Variants in RANBP3L observed in about 807,000 individuals in gnomAD.
The protein encoded by RANBP3L is RAN binding protein 3 like, also known as ran-binding protein 3-like.
A neutral mutation model predicts 67.2 loss-of-function variants in RANBP3L; 56 were observed. The observed-to-expected ratio is 0.83, with a 90% CI of 0.67 to 1.04. RANBP3L has a LOEUF of 1.04. RANBP3L is among the 50% of genes least tolerant of loss of function. The pLI is 0.00. For synonymous variants in RANBP3L, 164 were observed against 181.4 expected (o/e 0.90, Z 0.77); for missense variants, 496 against 535.5 (o/e 0.93, Z 0.73).
chr5:36,269,706 T>C (rs931282158), intron 3 of RANBP3L, among the ~76,000 whole-genome samples: 3 of 152,142 alleles, frequency 2.0e-5, no homozygotes, highest in African/African-American at 7.2e-5. Flanking sequence ...CATTCTGAGG[T>C]CTACAGAGAA....
At chr5:36,298,960 G>T (rs1160530594) in intron 1 of RANBP3L, among the ~76,000 whole-genome samples, 2 of 152,132 alleles carry the variant, frequency 1.3e-5, no homozygotes, top group Non-Finnish European at 2.9e-5. Flanking sequence ...TATTGATCCT[G>T]GGTGTGTCTG....
rs1417041486 is a variant in RANBP3L, at chr5:36,253,770, A to G, written c.1044T>C (p.Ser348=). Residue 348 remains serine (S), a synonymous_variant, in exon 12 of 14, where the codon AGT becomes AGC. Transcript: ENST00000296604. The part of the protein sequence containing the change: ...QSRLIMRNQG[S]LRLILNSKLW... ...GTTTGCTGTTGAGGATCAGCCTTAG[A>G]CTGCCTTGATTGCGCATAACTAAAA... The G allele has an allele frequency of 6.2e-7, 1 of 1,613,048 alleles. No individual in the cohort carries two copies. The highest frequency in any genetic ancestry group is 2.2e-5 in the East Asian group (1 of 44,832).
chr5:36,266,449 T>C (rs1433172601), intron 4 of RANBP3L, among the ~76,000 whole-genome samples: 1 of 152,204 alleles, frequency 6.6e-6, no homozygotes, highest in Non-Finnish European at 1.5e-5. Context: ...AAGTATTCTT[T>C]AAGGTGTTAT....
In RANBP3L at chr5:36,265,532, A is replaced by C; in HGVS notation, c.269-12T>G. The C allele has an allele frequency of 6.5e-7, 1 of 1,536,980 alleles. No homozygotes were observed. The highest frequency in any genetic ancestry group is 9.0e-7 in the Non-Finnish European group (1 of 1,115,384). ...ATTGTTTTTCCTCACTGTAAGAAAAAATATTTAAATTTTTTTAAATACAGA... is the reference window on the plus strand; with the variant it reads ...ATTGTTTTTCCTCACTGTAAGAAAACATATTTAAATTTTTTTAAATACAGA... On this transcript the variant is annotated splice_polypyrimidine_tract_variant and intron_variant, in intron 4 of 13. Coordinates refer to ENST00000296604, the MANE Select transcript of RANBP3L (RefSeq NM_145000.5).
intron 13 of RANBP3L, 104 bp from the exon 14 acceptor site, chr5:36,249,801 G>A (rs996793446): frequency 2.3e-5 from 11 of 471,994 alleles, no homozygotes; most frequent in African/African-American, 2.2e-4. Context: ...ATACTCATTG[G>A]TGATGAAATA....
chr5:36,289,154 A>T (rs1273212817), intron 1 of RANBP3L, among the ~76,000 whole-genome samples: 2 of 152,038 alleles, frequency 1.3e-5, no homozygotes, highest in African/African-American at 4.8e-5. Flanking sequence ...TTGTTCCAGG[A>T]TTCTTACAGA....
rs1752494632 is a variant in RANBP3L at position 36,299,841 on chromosome 5, T to C, written c.91+1485A>G. Among the ~76,000 whole-genome samples, 4 of 152,202 alleles carry C rather than the reference T, an allele frequency of 2.6e-5. No individual in the cohort carries two copies. The South Asian group carries it at 8.3e-4, about 31-fold the overall frequency. On this transcript the variant is annotated intron_variant, in intron 1 of 13. Transcript: ENST00000296604. Reference sequence around the variant, plus strand: ...ATGACCTGGAAATTTGTTCATCCTCTGTCATTAAATTAAAAAGCAGTTTAC... The same window carrying C: ...ATGACCTGGAAATTTGTTCATCCTCCGTCATTAAATTAAAAAGCAGTTTAC...
At chr5:36,259,315 T>G (rs11747169) in intron 8 of RANBP3L, among the ~76,000 whole-genome samples, 130,548 of 152,146 alleles carry the variant, frequency 0.86, 57,672 homozygotes, top group Non-Finnish European at 0.97. Flanking sequence ...GGGCGCAGTG[T>G]CTCATGCCTA....
chr5:36,255,497 C>T lies in RANBP3L; in HGVS notation c.997G>A (p.Asp333Asn). The T allele has an allele frequency of 6.2e-7, 1 of 1,611,500 alleles. No individual in the cohort carries two copies. The highest frequency in any genetic ancestry group is 1.1e-5 in the South Asian group (1 of 90,872). Residue 333 changes from aspartate to asparagine, a missense_variant, in exon 11 of 14, where the codon GAC becomes AAC. Physicochemically the swap from Asp to Asn is conservative, Grantham distance 23. Transcript: ENST00000296604. ...AGTCTTGACTGTAATGTTCCACAGT[C>T]AGTGCTTGCTGTGTCATTCAGTCTC... ...TLRLNDTAST[D>N]CGTLQSRLIM... is the part of the protein sequence containing the mutation.
chr5:36,268,999 C>T (rs973872767), intron 4 of RANBP3L, among the ~76,000 whole-genome samples: 3 of 152,080 alleles, frequency 2.0e-5, no homozygotes, highest in Admixed American at 1.3e-4. Flanking sequence ...TATGAGCCAC[C>T]GCGCCCAGCC....
At position 36,257,518 on chromosome 5, in the gene RANBP3L, A is replaced by G; in HGVS notation, c.708T>C (p.Asp236=). 6.3e-7 allele frequency: 1 copy of G among 1,596,640 alleles called. No individual in the cohort carries two copies. Among genetic ancestry groups the G allele is most frequent in the Non-Finnish European group, 8.6e-7 (1 of 1,168,780 alleles). Reference sequence around the variant, plus strand: ...TGAATGGTTTTTCCTTGGCATATGAATCATTTTCAAGTTGAGGCTGGGTGA... The same window carrying G: ...TGAATGGTTTTTCCTTGGCATATGAGTCATTTTCAAGTTGAGGCTGGGTGA... The part of the protein sequence containing the change: ...QKLTQPQLEN[D]SYAKEKPFKS... The change falls in exon 9 of 14, where the codon GAT becomes GAC. Residue 236 remains aspartate (D), a synonymous_variant. Coordinates refer to ENST00000296604, the MANE Select transcript of RANBP3L (RefSeq NM_145000.5).
intron 1 of RANBP3L, among the ~76,000 whole-genome samples, chr5:36,300,233 G>A (rs1021606025): frequency 6.6e-6 from 1 of 152,102 alleles, no homozygotes. Context: ...AGGGTACTTG[G>A]TTCAAAATTT....
intron 1 of RANBP3L, among the ~76,000 whole-genome samples, chr5:36,279,139 C>T (rs1750801870): frequency 6.6e-6 from 1 of 152,040 alleles, no homozygotes; most frequent in Admixed American, 6.6e-5. Context: ...AGAGGAGATA[C>T]AGAAAGTCAG....
At chr5:36,295,460 T>C (rs765763675) in intron 1 of RANBP3L, among the ~76,000 whole-genome samples, 1 of 152,086 alleles carries the variant, frequency 6.6e-6, no homozygotes, top group Non-Finnish European at 1.5e-5. Context: ...TGATCATAAG[T>C]TTCCTAAGGC....
rs377613163 is a variant in RANBP3L, at chr5:36,301,439, C to T, written c.-23G>A. 2.4e-5 allele frequency: 39 copies of T among 1,595,592 alleles called. No homozygotes were observed. The highest frequency in any genetic ancestry group is 3.3e-5 in the Non-Finnish European group (39 of 1,165,244). ...CATGGTCCTAGCAGTATGGCTGTGA[C>T]TCAAGGATCACTAGGGCACCTCCTT... On this transcript the variant is annotated 5_prime_UTR_variant, in exon 1 of 14. Transcript: ENST00000296604.
At chr5:36,298,567 G>A (rs569919573) in intron 1 of RANBP3L, among the ~76,000 whole-genome samples, 10 of 152,254 alleles carry the variant, frequency 6.6e-5, no homozygotes, top group Admixed American at 5.2e-4. Context: ...GGAGGAAAAA[G>A]CAGGGCCACT....
At chr5:36,263,531 A>G (rs1749543844) in intron 6 of RANBP3L, among the ~76,000 whole-genome samples, 1 of 151,508 alleles carries the variant, frequency 6.6e-6, no homozygotes, top group African/African-American at 2.4e-5. Flanking sequence ...TTTCTATTAC[A>G]TAATTTAAAA....
At position 36,277,357 on chromosome 5, in the gene RANBP3L, G is replaced by C. The variant is rs77901634; in HGVS notation, c.92-6046C>G. On this transcript the variant is annotated intron_variant, in intron 1 of 13. Coordinates refer to ENST00000296604, the MANE Select transcript of RANBP3L (RefSeq NM_145000.5). ...AGAGCTTGGAAGTTAGATGGTCCTA[G>C]AGCTGTATTTTAAATAAAGGACTCG... 5.9e-3 allele frequency among the ~76,000 whole-genome samples: 894 copies of C among 150,326 alleles called. 10 individuals are homozygous for C. Among genetic ancestry groups the C allele is most frequent in the African/African-American group, 0.021 (863 of 40,734 alleles).
Position 36,247,892 on chromosome 5 carries a change from A to T in RANBP3L, c.*1762T>A. Among the ~76,000 whole-genome samples the T allele has an allele frequency of 6.6e-6, 1 of 152,356 alleles. No homozygotes were observed. Among genetic ancestry groups the T allele is most frequent in the South Asian group, 2.1e-4 (1 of 4,828 alleles). On this transcript the variant is annotated 3_prime_UTR_variant, in exon 14 of 14. Coordinates refer to ENST00000296604, the MANE Select transcript of RANBP3L (RefSeq NM_145000.5). The stretch of plus-strand genomic sequence containing the variant: ...GACAGAGCGAGACTCTGTCTAAAAA[A>T]CAAACAAAATAAATAAATGAAGTTA...
Sources: gnomAD v4.1 joint callset for allele counts (sites outside exome capture counted in the v4.1 genomes callset) on GRCh38, gnomAD v4.1.1 for gene constraint, MANE v1.5 for transcripts, NCBI Gene and HGNC (gene_info 2026-07-23, HGNC 2026-07-21) for gene names.